Variants in MICAL2 observed in about 807,000 individuals in gnomAD.
MICAL2 encodes microtubule associated monooxygenase, calponin and LIM domain containing 2, also known as [F-actin]-monooxygenase MICAL2.
Under a neutral mutation model 127.3 loss-of-function variants are expected in MICAL2, and 77 were observed. That is an observed-to-expected ratio of 0.60 (90% confidence interval 0.50 to 0.73). The LOEUF (loss-of-function observed/expected upper bound fraction) is 0.73, where lower values mean the gene tolerates loss of function less well. Ranked by LOEUF, MICAL2 falls within the 30% of genes least tolerant of loss-of-function variation. The pLI is 0.00. For missense variants in MICAL2, 1,351 were observed against 1,434.4 expected, an observed-to-expected ratio of 0.94 and a Z score of 0.94; for synonymous variants, 570 against 551.1, an observed-to-expected ratio of 1.03 and a Z score of -0.48.
downstream of MICAL2, among the ~76,000 whole-genome samples, chr11:12,289,412 C>T (rs990761550): frequency 1.3e-5 from 2 of 152,206 alleles, no homozygotes; most frequent in African/African-American, 2.4e-5. Context: ...GTAGAGTGTG[C>T]AGCCCCCTCT....
At chr11:12,302,455 T>C (rs561858574) in intron 29 of MICAL2, among the ~76,000 whole-genome samples, 1 of 152,336 alleles carries the variant, frequency 6.6e-6, no homozygotes, top group East Asian at 1.9e-4. Context: ...TTTGTTGATG[T>C]TGCTATTTTT....
At chr11:12,252,008 A>G (rs1471809162) in intron 22 of MICAL2, among the ~76,000 whole-genome samples, 1 of 152,174 alleles carries the variant, frequency 6.6e-6, no homozygotes, top group East Asian at 1.9e-4. Context: ...CTGGGAGAAT[A>G]CCGTGGAGCC....
chr11:12,262,689 A>G, intron 27 of MICAL2, 152 bp downstream of exon 27: 6 of 694,406 alleles, frequency 8.6e-6, no homozygotes, highest in South Asian at 1.7e-5. Context: ...GGCTAACAGC[A>G]TGGCGGGGGG....
At chr11:12,324,653 T>A (rs1482355362) in intron 31 of MICAL2, among the ~76,000 whole-genome samples, 3 of 152,252 alleles carry the variant, frequency 2.0e-5, no homozygotes, top group Non-Finnish European at 2.9e-5. Context: ...AAGCCTAGTC[T>A]TGAACAAGAG....
chr11:12,328,528 C>G (rs1200918461), intron 32 of MICAL2, among the ~76,000 whole-genome samples: 1 of 152,094 alleles, frequency 6.6e-6, no homozygotes, highest in East Asian at 1.9e-4. Flanking sequence ...CACAAATGAG[C>G]TAGTGAAGGG....
At chr11:12,324,208 C>G in intron 31 of MICAL2, 2 of 1,036,902 alleles carry the variant, frequency 1.9e-6, no homozygotes, top group Non-Finnish European at 1.3e-6. Context: ...TCTGAGGAAC[C>G]AGATTTGTGG....
At chr11:12,301,591 T>C (rs1485585944) in intron 29 of MICAL2, among the ~76,000 whole-genome samples, 1 of 152,196 alleles carries the variant, frequency 6.6e-6, no homozygotes, top group Non-Finnish European at 1.5e-5. Flanking sequence ...TGCAATAAGA[T>C]AGAGGTTCCA....
chr11:12,183,805 G>A (rs1857798385), intron 3 of MICAL2, among the ~76,000 whole-genome samples: 1 of 151,956 alleles, frequency 6.6e-6, no homozygotes, highest in African/African-American at 2.4e-5. Context: ...TTTTGAGACA[G>A]GGTCTCACTC....
At chr11:12,239,941 T>A (rs1859636996) in intron 17 of MICAL2, among the ~76,000 whole-genome samples, 1 of 152,276 alleles carries the variant, frequency 6.6e-6, no homozygotes, top group Non-Finnish European at 1.5e-5. Context: ...CTGCATTAAA[T>A]AAATCCATTC....
intron 3 of MICAL2, among the ~76,000 whole-genome samples, chr11:12,191,093 C>T (rs973259914): frequency 1.3e-5 from 2 of 152,166 alleles, no homozygotes; most frequent in Non-Finnish European, 2.9e-5. Flanking sequence ...GGGGATACAG[C>T]TATGAATCAG....
intron 2 of MICAL2, among the ~76,000 whole-genome samples, chr11:12,157,659 G>A (rs891369015): frequency 6.6e-6 from 1 of 151,860 alleles, no homozygotes; most frequent in Non-Finnish European, 1.5e-5. Context: ...GGTTAACAAG[G>A]AAAACTTTAA....
intron 33 of MICAL2, among the ~76,000 whole-genome samples, chr11:12,351,915 C>T (rs1298691038): frequency 1.3e-5 from 2 of 151,936 alleles, no homozygotes; most frequent in African/African-American, 4.8e-5. Context: ...CTCAGCCTCC[C>T]AAGAAGCTGG....
Position 12,118,739 on chromosome 11 carries a change from T to C in MICAL2, c.-149+8013T>C, listed in dbSNP as rs544599502. On this transcript the variant is annotated intron_variant, in intron 1 of 27. Coordinates refer to ENST00000683283, the MANE Select transcript of MICAL2 (RefSeq NM_001282663.2). Reference sequence around the variant, plus strand: ...TGGCCTTGGGCGAGTTAATGAATCCTAGTATTTTAGTCTACATAAAGGAGG... The same window carrying C: ...TGGCCTTGGGCGAGTTAATGAATCCCAGTATTTTAGTCTACATAAAGGAGG... Among the ~76,000 whole-genome samples the C allele has an allele frequency of 9.2e-4, 140 of 152,338 alleles. 3 individuals carry two copies. The South Asian group carries it at 0.027, about 29-fold the overall frequency.
chr11:12,119,816 T>C (rs1850359465), intron 1 of MICAL2, among the ~76,000 whole-genome samples: 1 of 152,144 alleles, frequency 6.6e-6, no homozygotes, highest in South Asian at 2.1e-4. Flanking sequence ...CCTCATGGGA[T>C]GGTGTAGTTC....
intron 13 of MICAL2, chr11:12,225,844 T>C (rs1271020295): frequency 3.2e-6 from 1 of 311,566 alleles, no homozygotes; most frequent in East Asian, 7.6e-5. Flanking sequence ...CCATTTTACT[T>C]TTGTAATTAA....
At chr11:12,168,183 C>A in intron 3 of MICAL2, among the ~76,000 whole-genome samples, 1 of 143,210 alleles carries the variant, frequency 7.0e-6, no homozygotes, top group Non-Finnish European at 1.6e-5. Flanking sequence ...TGCACACATA[C>A]ACCATACATA....
At chr11:12,301,630 A>G (rs947472309) in intron 29 of MICAL2, among the ~76,000 whole-genome samples, 1 of 152,216 alleles carries the variant, frequency 6.6e-6, no homozygotes, top group Non-Finnish European at 1.5e-5. Flanking sequence ...TTCAATTTCT[A>G]CAGAAGTGAC....
At chr11:12,251,314 C>T (rs1057379277) in intron 22 of MICAL2, among the ~76,000 whole-genome samples, 6 of 151,706 alleles carry the variant, frequency 4.0e-5, no homozygotes, top group African/African-American at 7.3e-5. Context: ...CTCTGAGAGC[C>T]GGTAAGGCCG....
chr11:12,126,870 C>T (rs762977459), intron 1 of MICAL2, among the ~76,000 whole-genome samples: 18 of 151,988 alleles, frequency 1.2e-4, no homozygotes, highest in Non-Finnish European at 2.1e-4. Flanking sequence ...TGGAAAGCTT[C>T]CTGGAGGAGG....
Sources: allele counts gnomAD v4.1 joint callset (sites outside exome capture counted in the v4.1 genomes callset), GRCh38; gene constraint gnomAD v4.1.1; transcripts MANE v1.5; gene names NCBI Gene and HGNC (gene_info 2026-07-23, HGNC 2026-07-21).